The following PCDH11Y variants were observed in gnomAD, a reference collection of about 807,000 sequenced individuals.
PCDH11Y encodes the protein protocadherin 11 Y-linked.
For synonymous variants in PCDH11Y, 9 were observed against 83.6 expected (o/e 0.11, Z 4.87); for missense variants, 12 against 224.8 (o/e 0.05, Z 6.05).
At chrY:5,019,073 A>T in intron 1 of PCDH11Y, 1 of 33,742 alleles carries the variant, frequency 3.0e-5, no homozygotes, top group Non-Finnish European at 7.3e-5. Context: ...GAAAAGAATC[A>T]GCATCACTTC....
At chrY:5,341,511 TTG>T in intron 2 of PCDH11Y, among the ~76,000 whole-genome samples, 1 of 32,794 alleles carries the variant, frequency 3.0e-5, no homozygotes, top group East Asian at 7.9e-4. Flanking sequence ...TAGGAATTAG[TTG>T]TGTGTTTTTG....
intron 3 of PCDH11Y, among the ~76,000 whole-genome samples, chrY:5,505,881 C>G: frequency 6.3e-5 from 2 of 31,993 alleles, no homozygotes; most frequent in South Asian, 1.4e-3. Flanking sequence ...TTCTCCTGAT[C>G]TGCTAAGAGT....
chrY:5,424,873 C>G, intron 2 of PCDH11Y, among the ~76,000 whole-genome samples: 1 of 31,438 alleles, frequency 3.2e-5, no homozygotes, highest in East Asian at 8.4e-4. Context: ...GATGGGGTTT[C>G]ACCATGTTAG....
At chrY:5,115,683 A>G (rs2124639394) in intron 2 of PCDH11Y, among the ~76,000 whole-genome samples, 1 of 31,535 alleles carries the variant, frequency 3.2e-5, no homozygotes, top group South Asian at 7.4e-4. Context: ...ATTGAAAGCA[A>G]ATATGCTACC....
intron 4 of PCDH11Y, among the ~76,000 whole-genome samples, chrY:5,594,065 G>T: frequency 6.1e-5 from 2 of 32,960 alleles, no homozygotes; most frequent in South Asian, 1.4e-3. Context: ...CACCTAGTGG[G>T]TATTGGGGTA....
At chrY:5,269,008 T>A in intron 2 of PCDH11Y, among the ~76,000 whole-genome samples, 1 of 28,226 alleles carries the variant, frequency 3.5e-5, no homozygotes, top group Non-Finnish European at 8.3e-5. Context: ...ACAAAGGAAC[T>A]CCTGTGTTTC....
At chrY:5,326,843 G>T in intron 2 of PCDH11Y, among the ~76,000 whole-genome samples, 1 of 32,864 alleles carries the variant, frequency 3.0e-5, no homozygotes, top group Non-Finnish European at 7.4e-5. Flanking sequence ...GATTTTTAGG[G>T]CCTCTAAAAG....
intron 2 of PCDH11Y, among the ~76,000 whole-genome samples, chrY:5,487,671 T>G: frequency 3.0e-5 from 1 of 33,504 alleles, no homozygotes; most frequent in Non-Finnish European, 7.4e-5. Flanking sequence ...CTATTAGGTC[T>G]GAGCTCATAT....
intron 4 of PCDH11Y, among the ~76,000 whole-genome samples, chrY:5,636,353 T>C (rs2053517792): frequency 3.0e-5 from 1 of 33,447 alleles, no homozygotes; most frequent in Non-Finnish European, 7.4e-5. Context: ...TTCTACCCTA[T>C]CCCATAACTT....
chrY:5,689,224 GA>G (rs2053566072), intron 4 of PCDH11Y, among the ~76,000 whole-genome samples: 1 of 22,071 alleles, frequency 4.5e-5, no homozygotes, highest in Non-Finnish European at 1.1e-4. Context: ...AAAAAAACCA[GA>G]AAAAAGAAAG....
At chrY:5,499,055 G>A in intron 2 of PCDH11Y, among the ~76,000 whole-genome samples, 1 of 32,395 alleles carries the variant, frequency 3.1e-5, no homozygotes, top group Admixed American at 2.9e-4. Context: ...TACTTGGGAG[G>A]GTCGCTTGAG....
chrY:5,395,891 TA>T (rs2124676446), intron 2 of PCDH11Y, among the ~76,000 whole-genome samples: 1 of 34,468 alleles, frequency 2.9e-5, no homozygotes, highest in East Asian at 7.6e-4. Context: ...TCTGAGCAGC[TA>T]GGACTACAAG....
intron 4 of PCDH11Y, among the ~76,000 whole-genome samples, chrY:5,627,589 C>G: frequency 3.2e-5 from 1 of 31,321 alleles, no homozygotes; most frequent in Non-Finnish European, 7.6e-5. Context: ...TTAGTAGAGA[C>G]GGGGTTTCAC....
chrY:5,117,487 G>C (rs2124639699), intron 2 of PCDH11Y, among the ~76,000 whole-genome samples: 1 of 33,141 alleles, frequency 3.0e-5, no homozygotes, highest in East Asian at 7.9e-4. Flanking sequence ...GAGACAGGGA[G>C]AGGGTGCTAG....
intron 2 of PCDH11Y, among the ~76,000 whole-genome samples, chrY:5,469,634 G>A (rs2053311495): frequency 3.0e-5 from 1 of 33,360 alleles, no homozygotes. Context: ...CTTTGGTTTC[G>A]GAAATGTTGA....
chrY:5,560,369 A>T, intron 3 of PCDH11Y, among the ~76,000 whole-genome samples: 1 of 33,545 alleles, frequency 3.0e-5, no homozygotes, highest in East Asian at 7.9e-4. Context: ...CCAATTGTAG[A>T]AATTTGCATA....
intron 2 of PCDH11Y, among the ~76,000 whole-genome samples, chrY:5,427,048 A>G (rs2053264048): frequency 3.1e-5 from 1 of 32,755 alleles, no homozygotes. Context: ...TTTTTAAACT[A>G]TGTACCCTGA....
At chrY:5,590,084 C>CAA (rs768666054) in intron 4 of PCDH11Y, among the ~76,000 whole-genome samples, 1 of 26,099 alleles carries the variant, frequency 3.8e-5, no homozygotes, top group Non-Finnish European at 9.6e-5. Flanking sequence ...TACTTTCTTC[C>CAA]AAAAAAAAAA....
chrY:5,051,264 A>G (rs2052651301), upstream of PCDH11Y, among the ~76,000 whole-genome samples: 1 of 33,378 alleles, frequency 3.0e-5, no homozygotes, highest in Non-Finnish European at 7.4e-5. Flanking sequence ...AAAATCACAT[A>G]GAGCAATTCA....
Sources: allele counts gnomAD v4.1 joint callset (sites outside exome capture counted in the v4.1 genomes callset), GRCh38; gene constraint gnomAD v4.1.1; transcripts MANE v1.5; gene names NCBI Gene and HGNC (gene_info 2026-07-23, HGNC 2026-07-21).